Variants in HFM1 observed in about 807,000 individuals in gnomAD.
The protein encoded by HFM1 is helicase for meiosis 1, also known as probable ATP-dependent DNA helicase HFM1.
A neutral mutation model predicts 192.1 loss-of-function variants in HFM1; 169 were observed. That is an observed-to-expected ratio of 0.88 (90% confidence interval 0.78 to 1.00). The LOEUF (loss-of-function observed/expected upper bound fraction) is 1.00. Ranked by LOEUF, HFM1 falls within the 50% of genes least tolerant of loss-of-function variation. HFM1 has a pLI of 0.00. For missense variants in HFM1, 1,661 were observed against 1,668.0 expected (o/e 1.00, Z 0.07); for synonymous variants, 525 against 537.8 (o/e 0.98, Z 0.33).
At chr1:91,321,836 G>A (rs1652162839) in intron 23 of HFM1, among the ~76,000 whole-genome samples, 1 of 152,204 alleles carries the variant, frequency 6.6e-6, no homozygotes, top group Non-Finnish European at 1.5e-5. Context: ...TTAAGGCAAA[G>A]TTAATGGAAG....
At chr1:91,387,458 A>T (rs1185966878) in intron 4 of HFM1, among the ~76,000 whole-genome samples, 2 of 151,874 alleles carry the variant, frequency 1.3e-5, no homozygotes, top group Non-Finnish European at 2.9e-5. Context: ...ACTGAAAATC[A>T]AGATCAAGCG....
intron 1 of HFM1, among the ~76,000 whole-genome samples, chr1:91,404,162 A>G (rs1664607531): frequency 6.6e-6 from 1 of 152,188 alleles, no homozygotes; most frequent in African/African-American, 2.4e-5. Context: ...GGACCATACA[A>G]TTGTCGGAGC....
At position 91,319,133 on chromosome 1, in the gene HFM1, A is replaced by C; in HGVS notation, c.2757T>G (p.Phe919Leu). ...GAGAGTTTTCCCAAAGTTTACACCT[A>C]AAACATTTAGCTAAAATCAAACTAT... ...LLNSLILAKC[F>L]RCKLWENSLH... The change falls in exon 25 of 39, where the codon TTT (phenylalanine) becomes TTG (leucine). Residue 919 changes from phenylalanine to leucine, a missense_variant. Physicochemically the swap from Phe to Leu is conservative, Grantham distance 22. Transcript: ENST00000370425. 1 of 1,611,094 alleles carries C rather than the reference A, an allele frequency of 6.2e-7. No individual in the cohort carries two copies. The highest frequency in any genetic ancestry group is 8.5e-7 in the Non-Finnish European group (1 of 1,179,046).
intron 20 of HFM1, among the ~76,000 whole-genome samples, chr1:91,333,494 G>A (rs1446435449): frequency 6.7e-6 from 1 of 150,186 alleles, no homozygotes; most frequent in East Asian, 1.9e-4. Flanking sequence ...GGTGGGGATG[G>A]TTAATGGGTA....
At chr1:91,366,484 T>C (rs1659327685) in intron 13 of HFM1, among the ~76,000 whole-genome samples, 2 of 152,318 alleles carry the variant, frequency 1.3e-5, no homozygotes, top group South Asian at 2.1e-4. Context: ...AAGCTTCAAA[T>C]TGTTTAGACC....
upstream of HFM1, among the ~76,000 whole-genome samples, chr1:91,407,914 T>C (rs564405738): frequency 2.0e-5 from 3 of 152,326 alleles, no homozygotes; most frequent in East Asian, 5.8e-4. Context: ...TCAGTAGAAA[T>C]TGATATTGAA....
rs560562051 is a variant in HFM1 at position 91,390,679 on chromosome 1, CT to C, written c.494+3413del. Reference sequence around the variant, plus strand: ...AATGGGCAAAAACTGGAAGCATTCCCTTTGAAAACTGGCACAAGACAGGGAT... The same window carrying C: ...AATGGGCAAAAACTGGAAGCATTCCCTTGAAAACTGGCACAAGACAGGGAT... On this transcript the variant is annotated intron_variant, in intron 4 of 38. Transcript: ENST00000370425. Among the ~76,000 whole-genome samples the C allele has an allele frequency of 1.8e-3, 268 of 152,274 alleles. 1 individual carries two copies. Among genetic ancestry groups the C allele is most frequent in the Non-Finnish European group, 2.3e-3 (155 of 68,014 alleles).
intron 28 of HFM1, among the ~76,000 whole-genome samples, chr1:91,314,433 AT>A (rs1045041561): frequency 3.3e-5 from 5 of 151,960 alleles, no homozygotes; most frequent in African/African-American, 1.2e-4. Flanking sequence ...TTATTTATTT[AT>A]TTTTGTAGAA....
chr1:91,382,336 T>G (rs963157245), intron 6 of HFM1, among the ~76,000 whole-genome samples: 4 of 152,174 alleles, frequency 2.6e-5, no homozygotes, highest in Non-Finnish European at 5.9e-5. Context: ...AAACTCTGAC[T>G]TATTTATATG....
In HFM1 at chr1:91,262,581, G is replaced by T; in HGVS notation, c.3986C>A (p.Ser1329Ter). 1.3e-6 allele frequency: 2 copies of T among 1,582,268 alleles called. No homozygotes were observed. The highest frequency in any genetic ancestry group is 1.7e-6 in the Non-Finnish European group (2 of 1,157,456). Reference sequence around the variant, plus strand: ...TAAAGAAATATCCGACATCTCATGTGATGAAACAAAACTAAAAATTAAAAT... The same window carrying T: ...TAAAGAAATATCCGACATCTCATGTTATGAAACAAAACTAAAAATTAAAAT... ...QREMSNSFVS[S>*]HEMSDISLSN... Residue 1329 changes from serine to a stop codon, truncating the protein, a stop_gained, in exon 37 of 39, where the codon TCA becomes TAA. Transcript: ENST00000370425. LOFTEE classifies it high-confidence loss of function.
At chr1:91,396,951 C>A (rs1331411882) in intron 2 of HFM1, among the ~76,000 whole-genome samples, 2 of 152,252 alleles carry the variant, frequency 1.3e-5, no homozygotes, top group East Asian at 3.9e-4. Flanking sequence ...AGATCAGCAA[C>A]GACATTAGAT....
chr1:91,383,250 T>A (rs1352144425), intron 6 of HFM1, among the ~76,000 whole-genome samples: 3 of 152,096 alleles, frequency 2.0e-5, no homozygotes, highest in Admixed American at 6.6e-5. Flanking sequence ...TAAAAGCCAG[T>A]GTCATATTAT....
At chr1:91,401,966 A>C (rs533004914) in intron 1 of HFM1, among the ~76,000 whole-genome samples, 2 of 152,010 alleles carry the variant, frequency 1.3e-5, no homozygotes, top group Non-Finnish European at 2.9e-5. Context: ...CATTAGAATT[A>C]TTTTTCCCTG....
At chr1:91,329,356 G>A (rs1653456825) in intron 20 of HFM1, 3 of 1,600,100 alleles carry the variant, frequency 1.9e-6, no homozygotes, top group Non-Finnish European at 2.6e-6. Context: ...GGGGTCAAGA[G>A]GCTGAGTAAG....
chr1:91,298,296 C>A (rs1319209783), intron 30 of HFM1, among the ~76,000 whole-genome samples: 1 of 152,110 alleles, frequency 6.6e-6, no homozygotes, highest in South Asian at 2.1e-4. Flanking sequence ...TGTGAAAAGA[C>A]CAAGTCTACA....
rs895299862 is a variant in HFM1, at chr1:91,353,409, A to G, written c.1686-110T>C. 1.0e-4 allele frequency: 59 copies of G among 576,264 alleles called. No homozygotes were observed. The Middle Eastern group carries it at 2.9e-3, about 28-fold the overall frequency. The allele number at this position is 576,264 out of a possible 1,614,324, so 35.7% of individuals were successfully genotyped here. A position where few individuals can be genotyped will look rare whatever the true frequency, so the allele number is the denominator to read the frequency against. Reference sequence around the variant, plus strand: ...GATATCAAAAAATTTTCACAATATCATTATCTGAAAACTATTTTAAGAAGT... The same window carrying G: ...GATATCAAAAAATTTTCACAATATCGTTATCTGAAAACTATTTTAAGAAGT... On this transcript the variant is annotated intron_variant, in intron 13 of 38. Coordinates refer to ENST00000370425, the MANE Select transcript of HFM1 (RefSeq NM_001017975.6).
chr1:91,289,209 C>T (rs1668402975), intron 30 of HFM1, among the ~76,000 whole-genome samples: 1 of 151,414 alleles, frequency 6.6e-6, no homozygotes, highest in South Asian at 2.1e-4. Flanking sequence ...AGAGACACTC[C>T]TCAGTTCCAA....
chr1:91,347,509 G>A, intron 18 of HFM1, 33 bp from the exon 19 acceptor site: 2 of 1,503,748 alleles, frequency 1.3e-6, no homozygotes, highest in South Asian at 1.2e-5. Context: ...ATAGAATTTA[G>A]CTCATCTTTA....
chr1:91,286,608 A>AT (rs1667997629), intron 30 of HFM1, among the ~76,000 whole-genome samples: 1 of 152,186 alleles, frequency 6.6e-6, no homozygotes, highest in Non-Finnish European at 1.5e-5. Context: ...TAACTTGATT[A>AT]TATCTGTAAA....
Sources: allele counts gnomAD v4.1 joint callset (sites outside exome capture counted in the v4.1 genomes callset), GRCh38; gene constraint gnomAD v4.1.1; transcripts MANE v1.5; gene names NCBI Gene and HGNC (gene_info 2026-07-23, HGNC 2026-07-21).